PARM1: variants seen among roughly 807,000 people sequenced by gnomAD.
The protein encoded by PARM1 is WSC4, cell wall integrity and stress response component 4 homolog.
PARM1 carries 14 observed loss-of-function variants against 24.6 expected under a neutral mutation model. The ratio of observed to expected loss-of-function variants is 0.57; its 90% CI spans 0.38 to 0.89. PARM1 has a LOEUF of 0.89. Ranked by LOEUF, PARM1 falls within the 40% of genes least tolerant of loss-of-function variation. PARM1 has a pLI of 0.00. For missense variants in PARM1, 362 were observed against 380.4 expected, an observed-to-expected ratio of 0.95 and a Z score of 0.40; for synonymous variants, 179 against 156.6, an observed-to-expected ratio of 1.14 and a Z score of -1.07.
intron 2 of PARM1, among the ~76,000 whole-genome samples, chr4:75,029,414 G>A (rs1723238370): frequency 6.6e-6 from 1 of 152,120 alleles, no homozygotes; most frequent in South Asian, 2.1e-4. Flanking sequence ...GGACCCAGTG[G>A]GAGGTAATGG....
intron 3 of PARM1, among the ~76,000 whole-genome samples, chr4:75,043,204 G>T (rs1428667148): frequency 6.6e-6 from 1 of 152,138 alleles, no homozygotes; most frequent in African/African-American, 2.4e-5. Context: ...TATGCCTGGG[G>T]TATAGTTTCA....
chr4:74,961,436 T>C (rs1721771902), intron 1 of PARM1, among the ~76,000 whole-genome samples: 1 of 152,152 alleles, frequency 6.6e-6, no homozygotes, highest in Non-Finnish European at 1.5e-5. Flanking sequence ...ATGAAAGACA[T>C]GAATATAAAC....
At position 75,043,130 on chromosome 4, in the gene PARM1, A is replaced by G. The variant is rs543976621; in HGVS notation, c.849-3033A>G. On this transcript the variant is annotated intron_variant, in intron 3 of 3. Coordinates refer to ENST00000307428, the MANE Select transcript of PARM1 (RefSeq NM_015393.4). ...TTTCAATCCTCTAACCCCCATTCCA[A>G]CATACTAATAAACTTTAAAAATTCA... Among the ~76,000 whole-genome samples, 6 of 152,240 alleles carry G rather than the reference A, an allele frequency of 3.9e-5. No homozygotes were observed. The East Asian group carries it at 1.2e-3, about 29-fold the overall frequency.
chr4:75,006,847 T>C (rs922415981), intron 1 of PARM1, among the ~76,000 whole-genome samples: 1 of 152,128 alleles, frequency 6.6e-6, no homozygotes, highest in African/African-American at 2.4e-5. Context: ...CCAAAAGCAA[T>C]GGCAACAAAA....
chr4:75,028,406 C>G (rs889088838), intron 2 of PARM1, among the ~76,000 whole-genome samples: 1 of 152,212 alleles, frequency 6.6e-6, no homozygotes, highest in Non-Finnish European at 1.5e-5. Flanking sequence ...ATGTTCCTTT[C>G]CTCTTGGTGA....
At chr4:74,970,386 C>G (rs149275981) in intron 1 of PARM1, 1 of 152,190 alleles carries the variant, frequency 6.6e-6, no homozygotes, top group Non-Finnish European at 1.5e-5. Flanking sequence ...TGAGGCTGGA[C>G]GGCTCACATG....
At chr4:75,034,022 G>C in intron 3 of PARM1, 61 bp downstream of exon 3, 2 of 1,293,034 alleles carry the variant, frequency 1.5e-6, no homozygotes, top group Non-Finnish European at 2.2e-6. Context: ...TGGGCTGAGC[G>C]CTGTTTTGCT....
At chr4:75,014,994 T>C (rs544870840) in intron 2 of PARM1, among the ~76,000 whole-genome samples, 1 of 152,348 alleles carries the variant, frequency 6.6e-6, no homozygotes, top group Non-Finnish European at 1.5e-5. Context: ...ATCATCAAAA[T>C]ACAGTGACCA....
At chr4:75,011,540 A>C (rs1410963226) in intron 1 of PARM1, among the ~76,000 whole-genome samples, 1 of 152,214 alleles carries the variant, frequency 6.6e-6, no homozygotes, top group Admixed American at 6.5e-5. Context: ...CAGGAACCCC[A>C]TGTCCAGGAG....
chr4:74,954,128 A>G (rs1396979851), intron 1 of PARM1, among the ~76,000 whole-genome samples: 2 of 152,252 alleles, frequency 1.3e-5, no homozygotes, highest in Non-Finnish European at 2.9e-5. Context: ...TGAGAAGAGA[A>G]CATTCACTAT....
At chr4:75,008,123 G>T (rs1722807048) in intron 1 of PARM1, among the ~76,000 whole-genome samples, 1 of 152,198 alleles carries the variant, frequency 6.6e-6, no homozygotes, top group East Asian at 1.9e-4. Context: ...TACCCCAGGA[G>T]TCAGTGCATT....
intron 1 of PARM1, among the ~76,000 whole-genome samples, chr4:74,971,187 A>G (rs1277108294): frequency 6.6e-6 from 1 of 152,198 alleles, no homozygotes; most frequent in Non-Finnish European, 1.5e-5. Flanking sequence ...ATGGCTAGGG[A>G]GGCCTCACAA....
intron 2 of PARM1, among the ~76,000 whole-genome samples, chr4:75,015,942 G>T (rs1320484576): frequency 6.6e-6 from 1 of 152,180 alleles, no homozygotes; most frequent in African/African-American, 2.4e-5. Context: ...TCTTTATGCT[G>T]CCTTTAGTAG....
intron 3 of PARM1, 149 bp from the exon 4 acceptor site, chr4:75,046,014 G>T: frequency 1.7e-6 from 1 of 577,824 alleles, no homozygotes; most frequent in Admixed American, 3.1e-5. Context: ...GGGCCTCCAC[G>T]GTGGGTGGGT....
chr4:74,958,578 A>T (rs1004232650), intron 1 of PARM1, among the ~76,000 whole-genome samples: 4 of 152,244 alleles, frequency 2.6e-5, no homozygotes, highest in African/African-American at 9.6e-5. Context: ...AAAGACCGTG[A>T]GGAATTTATG....
At chr4:74,988,378 C>T (rs1413039850) in intron 1 of PARM1, among the ~76,000 whole-genome samples, 1 of 152,100 alleles carries the variant, frequency 6.6e-6, no homozygotes, top group South Asian at 2.1e-4. Flanking sequence ...AGAGTAGACA[C>T]ATTTACATAA....
At chr4:74,994,238 A>G (rs1464618691) in intron 1 of PARM1, 2 of 152,168 alleles carry the variant, frequency 1.3e-5, no homozygotes, top group African/African-American at 4.8e-5. Flanking sequence ...AATCAAAAAC[A>G]TAATTACTAT....
intron 1 of PARM1, among the ~76,000 whole-genome samples, chr4:74,953,189 A>G (rs1277084): frequency 0.99 from 151,517 of 152,342 alleles, 75,354 homozygotes; most frequent in Middle Eastern, 1. Flanking sequence ...ATATGTCATA[A>G]TGAAAATCAA....
At chr4:75,042,150 ACTAT>A (rs1335365895) in intron 3 of PARM1, among the ~76,000 whole-genome samples, 3 of 152,178 alleles carry the variant, frequency 2.0e-5, no homozygotes, top group African/African-American at 7.2e-5. Flanking sequence ...CTCCATATAC[ACTAT>A]CTATGCTGCT....
Sources: gnomAD v4.1 joint callset for allele counts (sites outside exome capture counted in the v4.1 genomes callset) on GRCh38, gnomAD v4.1.1 for gene constraint, MANE v1.5 for transcripts, NCBI Gene and HGNC (gene_info 2026-07-23, HGNC 2026-07-21) for gene names.